The following SUGCT variants were observed in gnomAD, a reference collection of about 807,000 sequenced individuals.
The protein encoded by SUGCT is succinyl-CoA:glutarate-CoA transferase, also known as succinyl-CoA:glutarate CoA-transferase.
Under a neutral mutation model 55.0 loss-of-function variants are expected in SUGCT, and 41 were observed. That is an observed-to-expected ratio of 0.74 (90% confidence interval 0.58 to 0.97). The LOEUF is 0.97. Among genes scored for constraint, SUGCT ranks in the 50% least tolerant of loss-of-function variants. The pLI is 0.00. For missense variants in SUGCT, 568 were observed against 547.8 expected, an observed-to-expected ratio of 1.04 and a Z score of -0.37; for synonymous variants, 187 against 200.4, an observed-to-expected ratio of 0.93 and a Z score of 0.56.
the SUGCT span, among the ~76,000 whole-genome samples, chr7:40,917,126 C>A: frequency 2.0e-5 from 3 of 152,196 alleles, no homozygotes; most frequent in African/African-American, 7.2e-5. Context: ...ATGTAGATTT[C>A]TTTTCCTCTG....
the SUGCT span, among the ~76,000 whole-genome samples, chr7:40,973,552 A>G: frequency 6.6e-6 from 1 of 152,204 alleles, no homozygotes; most frequent in Middle Eastern, 3.2e-3. Context: ...GCACGTCTGA[A>G]CTATCAGAGA....
chr7:40,649,943 T>G (rs1800695343), intron 12 of SUGCT, among the ~76,000 whole-genome samples: 1 of 152,222 alleles, frequency 6.6e-6, no homozygotes, highest in Non-Finnish European at 1.5e-5. Context: ...TATCTCCTAG[T>G]TTTTGTGTCA....
At chr7:41,001,508 A>G in the SUGCT span, among the ~76,000 whole-genome samples, 1 of 152,200 alleles carries the variant, frequency 6.6e-6, no homozygotes, top group Non-Finnish European at 1.5e-5. Flanking sequence ...TCAGGCTGCT[A>G]GAATAAGCTA....
At chr7:40,592,596 T>C (rs1004305749) in intron 12 of SUGCT, among the ~76,000 whole-genome samples, 1 of 152,182 alleles carries the variant, frequency 6.6e-6, no homozygotes, top group Non-Finnish European at 1.5e-5. Context: ...ATTTGGAGAA[T>C]GTGTAGTAAA....
intron 11 of SUGCT, among the ~76,000 whole-genome samples, chr7:40,478,505 T>A (rs1393801504): frequency 6.6e-6 from 1 of 152,216 alleles, no homozygotes; most frequent in Non-Finnish European, 1.5e-5. Context: ...CTGGCTCGCC[T>A]ATTTAAAGAT....
the SUGCT span, among the ~76,000 whole-genome samples, chr7:40,982,182 A>C: frequency 6.6e-6 from 1 of 152,214 alleles, no homozygotes; most frequent in African/African-American, 2.4e-5. Context: ...AACTCAATAC[A>C]TAATAGCCAT....
intron 13 of SUGCT, among the ~76,000 whole-genome samples, chr7:40,832,111 T>C (rs563568559): frequency 1.3e-5 from 2 of 152,116 alleles, no homozygotes; most frequent in South Asian, 4.2e-4. Flanking sequence ...TGCATGCAAA[T>C]GTGTGGCTGT....
At chr7:40,267,450 T>C (rs1791667297) in intron 7 of SUGCT, among the ~76,000 whole-genome samples, 1 of 152,232 alleles carries the variant, frequency 6.6e-6, no homozygotes, top group African/African-American at 2.4e-5. Context: ...TCTAATAAAT[T>C]ATGGTGAGAT....
chr7:40,700,026 G>T (rs1052717317), intron 12 of SUGCT, among the ~76,000 whole-genome samples: 4 of 152,090 alleles, frequency 2.6e-5, no homozygotes, highest in African/African-American at 9.7e-5. Flanking sequence ...CTTTATTGGA[G>T]AAATCTTTTG....
At chr7:40,905,781 C>T in the SUGCT span, among the ~76,000 whole-genome samples, 22 of 150,820 alleles carry the variant, frequency 1.5e-4, no homozygotes, top group Non-Finnish European at 2.4e-4. Flanking sequence ...TGCAGTGGTG[C>T]GATCATAGTT....
intron 7 of SUGCT, among the ~76,000 whole-genome samples, chr7:40,240,064 G>A (rs1020195447): frequency 2.0e-5 from 3 of 152,134 alleles, no homozygotes; most frequent in African/African-American, 7.2e-5. Context: ...CAAATAAAAA[G>A]AACTGCGAAG....
chr7:40,661,580 T>C (rs1346462482), intron 12 of SUGCT, among the ~76,000 whole-genome samples: 1 of 152,092 alleles, frequency 6.6e-6, no homozygotes, highest in African/African-American at 2.4e-5. Flanking sequence ...CACCCTAAAT[T>C]TTCCCCTCTC....
intron 8 of SUGCT, among the ~76,000 whole-genome samples, chr7:40,310,958 C>G (rs746562982): frequency 2.0e-5 from 3 of 152,140 alleles, no homozygotes; most frequent in Non-Finnish European, 2.9e-5. Flanking sequence ...CTTTTAAATA[C>G]TTTCTATAGG....
intron 13 of SUGCT, among the ~76,000 whole-genome samples, chr7:40,853,256 T>C (rs1246258524): frequency 1.3e-5 from 2 of 152,204 alleles, no homozygotes; most frequent in African/African-American, 4.8e-5. Context: ...TGTATTACTA[T>C]GTGTAATAAT....
chr7:40,904,613 G>C, the SUGCT span, among the ~76,000 whole-genome samples: 1 of 152,092 alleles, frequency 6.6e-6, no homozygotes, highest in African/African-American at 2.4e-5. Flanking sequence ...AAATCTTCTG[G>C]AGATGGATGG....
At chr7:40,864,053 T>G (rs1022831515), downstream of SUGCT, among the ~76,000 whole-genome samples, 2 of 152,158 alleles carry the variant, frequency 1.3e-5, no homozygotes, top group Non-Finnish European at 2.9e-5. Context: ...ACTATCCCAG[T>G]ATAGCAAAAC....
chr7:40,403,589 C>G (rs1040867236), intron 9 of SUGCT, among the ~76,000 whole-genome samples: 2 of 152,204 alleles, frequency 1.3e-5, no homozygotes, highest in East Asian at 3.9e-4. Context: ...ATGGGAGGGG[C>G]CATTTGAAAA....
intron 5 of SUGCT, 35 bp downstream of exon 5, chr7:40,189,629 T>G: frequency 6.5e-6 from 8 of 1,223,696 alleles, no homozygotes; most frequent in Non-Finnish European, 8.9e-6. Flanking sequence ...TCCTACCACC[T>G]AGGTTATAAT....
chr7:40,464,926 A>G (rs1014084844), intron 11 of SUGCT, among the ~76,000 whole-genome samples: 1 of 152,248 alleles, frequency 6.6e-6, no homozygotes, highest in African/African-American at 2.4e-5. Flanking sequence ...TAATACCTTC[A>G]TAAGTTAAGG....
Sources: allele counts gnomAD v4.1 joint callset (sites outside exome capture counted in the v4.1 genomes callset), GRCh38; gene constraint gnomAD v4.1.1; transcripts MANE v1.5; gene names NCBI Gene and HGNC (gene_info 2026-07-23, HGNC 2026-07-21).